ZBTB46: variants seen among roughly 807,000 people sequenced by gnomAD.
ZBTB46 encodes zinc finger and BTB domain containing 46.
Under a neutral mutation model 44.1 loss-of-function variants are expected in ZBTB46, and 8 were observed. That is an observed-to-expected ratio of 0.18 (90% confidence interval 0.11 to 0.33). The LOEUF (loss-of-function observed/expected upper bound fraction) is 0.33. ZBTB46 is among the 10% of genes least tolerant of loss of function. The pLI, the probability that ZBTB46 is intolerant of heterozygous loss-of-function variation, is 1.00. For synonymous variants in ZBTB46, 409 were observed against 382.3 expected, an observed-to-expected ratio of 1.07 and a Z score of -0.81; for missense variants, 651 against 847.7, an observed-to-expected ratio of 0.77 and a Z score of 2.88.
At chr20:63,770,773 T>C (rs1158983495) in intron 3 of ZBTB46, among the ~76,000 whole-genome samples, 5 of 152,162 alleles carry the variant, frequency 3.3e-5, no homozygotes, top group African/African-American at 4.8e-5. Flanking sequence ...CGGCACCCCG[T>C]ACCGCAAAGG....
intron 4 of ZBTB46, among the ~76,000 whole-genome samples, chr20:63,747,568 TG>T (rs1335418701): frequency 7.0e-5 from 1 of 14,294 alleles, no homozygotes; most frequent in Middle Eastern, 0.042. Flanking sequence ...AGGGCCCGGT[TG>T]GGGTTGGGGG....
chr20:63,754,269 T>C (rs182672500), intron 3 of ZBTB46, among the ~76,000 whole-genome samples: 67 of 152,296 alleles, frequency 4.4e-4, no homozygotes, highest in African/African-American at 1.5e-3. Context: ...ACTGTGCCCC[T>C]GGCTCTCCTC....
At chr20:63,806,789 GTTT>G (rs1048528462) in intron 1 of ZBTB46, among the ~76,000 whole-genome samples, 1 of 143,040 alleles carries the variant, frequency 7.0e-6, no homozygotes, top group Non-Finnish European at 1.5e-5. Flanking sequence ...TTTTGTTTTG[GTTT>G]TTTTTTTTGA....
Position 63,746,008 on chromosome 20 carries a change from A to G in ZBTB46, c.*922T>C, listed in dbSNP as rs950194302. ...TTTGGTTACCCACGCGGGGAGGTGT[A>G]AGCAGCACACTGCAGTTAGGAACAC... On this transcript the variant is annotated 3_prime_UTR_variant, in exon 5 of 5. Coordinates refer to ENST00000245663, the MANE Select transcript of ZBTB46 (RefSeq NM_001369741.1). 2 of 152,752 alleles carry G rather than the reference A, an allele frequency of 1.3e-5. No individual in the cohort carries two copies. The highest frequency in any genetic ancestry group is 2.9e-5 in the Non-Finnish European group (2 of 68,062). 9.5% of individuals were successfully genotyped at this position (152,752 alleles called of 1,614,324 possible).
chr20:63,746,975 G>T lies in ZBTB46; in HGVS notation c.1725C>A (p.Arg575=). The change falls in exon 5 of 5, where the codon CGC becomes CGA. Residue 575 remains arginine (R), a synonymous_variant. Coordinates refer to ENST00000245663, the MANE Select transcript of ZBTB46 (RefSeq NM_001369741.1). The stretch of plus-strand genomic sequence containing the variant: ...CCTTGTCAGGGCCTCCTGGGGGGCT[G>T]CGCGGCCGCGGCGAGTCTTCCTCAT... The part of the protein sequence containing the change: ...DKDEEDSPRP[R]SPPGGPDKDF... 1 of 1,601,328 alleles carries T rather than the reference G, an allele frequency of 6.2e-7. No individual in the cohort carries two copies. Among genetic ancestry groups the T allele is most frequent in the Non-Finnish European group, 8.5e-7 (1 of 1,177,146 alleles).
At chr20:63,830,738 CGCG>C (rs979844854) in intron 1 of ZBTB46, among the ~76,000 whole-genome samples, 2 of 146,956 alleles carry the variant, frequency 1.4e-5, no homozygotes. Context: ...GGGGAGGGAG[CGCG>C]GCGGCGGCGG....
chr20:63,761,189 G>C (rs2092272652), intron 3 of ZBTB46, among the ~76,000 whole-genome samples: 1 of 141,714 alleles, frequency 7.1e-6, no homozygotes, highest in Non-Finnish European at 1.6e-5. Context: ...AGTAGAGACA[G>C]GGTTTCACCA....
At chr20:63,816,176 G>T in intron 1 of ZBTB46, among the ~76,000 whole-genome samples, 1 of 151,690 alleles carries the variant, frequency 6.6e-6, no homozygotes, top group African/African-American at 2.4e-5. Context: ...GGTGGGCACA[G>T]ATGCAGTGGG....
chr20:63,794,213 A>C (rs543289730), intron 1 of ZBTB46, among the ~76,000 whole-genome samples: 3 of 151,700 alleles, frequency 2.0e-5, no homozygotes, highest in South Asian at 2.1e-4. Flanking sequence ...AAAGTTATCT[A>C]TCCACTAAAA....
Position 63,759,707 on chromosome 20 carries a change from C to T in ZBTB46, c.1223-6846G>A, listed in dbSNP as rs1404816094. Among the ~76,000 whole-genome samples, 4 of 152,084 alleles carry T rather than the reference C, an allele frequency of 2.6e-5. No homozygotes were observed. The South Asian group carries it at 6.2e-4, about 24-fold the overall frequency. Reference sequence around the variant, plus strand: ...TCTGAATATAAGTGGTGACGATGGGCGTCTGTGTATCGTTCCCGTGCTCAG... The same window carrying T: ...TCTGAATATAAGTGGTGACGATGGGTGTCTGTGTATCGTTCCCGTGCTCAG... On this transcript the variant is annotated intron_variant, in intron 3 of 4. Coordinates refer to ENST00000245663, the MANE Select transcript of ZBTB46 (RefSeq NM_001369741.1).
intron 1 of ZBTB46, among the ~76,000 whole-genome samples, chr20:63,799,994 C>T (rs757042830): frequency 6.6e-5 from 10 of 152,228 alleles, no homozygotes; most frequent in African/African-American, 2.4e-4. Flanking sequence ...TGAACGTTCA[C>T]ACCAGCTTCG....
intron 3 of ZBTB46, among the ~76,000 whole-genome samples, chr20:63,774,789 T>TGCCGGGTTCC: frequency 6.7e-6 from 1 of 148,332 alleles, no homozygotes; most frequent in African/African-American, 2.5e-5. Flanking sequence ...CTGCAAGCTC[T>TGCCGGGTTCC]GCCTGCCGGG....
intron 1 of ZBTB46, among the ~76,000 whole-genome samples, chr20:63,795,108 C>A (rs1162204445): frequency 6.6e-6 from 1 of 152,226 alleles, no homozygotes; most frequent in Non-Finnish European, 1.5e-5. Flanking sequence ...AGAGGGACGC[C>A]GCCTCTGCTG....
At chr20:63,788,688 A>G (rs1408787998) in intron 2 of ZBTB46, among the ~76,000 whole-genome samples, 1 of 151,878 alleles carries the variant, frequency 6.6e-6, no homozygotes, top group Non-Finnish European at 1.5e-5. Flanking sequence ...AAAATACACA[A>G]ATTATCTGGG....
chr20:63,752,767 C>G lies in ZBTB46; in HGVS notation c.1317G>C (p.Ser439=). Residue 439 remains serine (S), a synonymous_variant, in exon 4 of 5, where the codon TCG becomes TCC. Transcript: ENST00000245663. The surrounding 1 kb of genome is among the most constrained non-coding windows in gnomAD (Gnocchi z 5.6). ...HQCILKRHMR[S]HTGERPYPCE... ...AGGGGTAGGGCCGCTCTCCCGTGTG[C>G]GAGCGCATGTGTCGCTTGAGGATGC... The G allele has an allele frequency of 6.2e-7, 1 of 1,612,786 alleles. No homozygotes were observed.
intron 3 of ZBTB46, among the ~76,000 whole-genome samples, chr20:63,757,072 A>G (rs1266103571): frequency 1.3e-5 from 2 of 152,284 alleles, no homozygotes; most frequent in East Asian, 1.9e-4. Flanking sequence ...CCAAAGATTT[A>G]TGATTCCTCT....
chr20:63,769,410 C>A (rs1281779456), intron 3 of ZBTB46: 2 of 985,326 alleles, frequency 2.0e-6, no homozygotes, highest in African/African-American at 3.5e-5. Context: ...GGAGGAGTCT[C>A]ACCCACAGGA....
rs1348992258 is a variant in ZBTB46 at position 63,769,413 on chromosome 20, C to T, written c.1222+6265G>A. ...GAACACAGGAAAGGAGGAGTCTCAC[C>T]CACAGGAACGCGCACCAGCTGCTGG... is the stretch of plus-strand genomic sequence containing the variant. On this transcript the variant is annotated intron_variant, in intron 3 of 4. Coordinates refer to ENST00000245663, the MANE Select transcript of ZBTB46 (RefSeq NM_001369741.1). The T allele has an allele frequency of 3.0e-6, 3 of 985,254 alleles. No individual in the cohort carries two copies. The African/African-American group carries it at 5.2e-5, about 17-fold the overall frequency. The allele number at this position is 985,254 out of a possible 1,614,324, so 61.0% of individuals were successfully genotyped here.
rs755544244 is a variant in ZBTB46 at position 63,747,272 on chromosome 20, G to A, written c.1428C>T (p.Cys476=). Residue 476 remains cysteine, a synonymous_variant, in exon 5 of 5, where the codon TGC becomes TGT. Transcript: ENST00000245663. The stretch of plus-strand genomic sequence containing the variant: ...ACATGAAGACGCGGCTGCACACCTT[G>A]CACACATACTTCTTGTCCTTGCTGT... ...LVHSKDKKYV[C]KVCSRVFMSA... The A allele has an allele frequency of 3.3e-6, 5 of 1,525,488 alleles. No homozygotes were observed. Among genetic ancestry groups the A allele is most frequent in the Non-Finnish European group, 4.4e-6 (5 of 1,135,926 alleles). The allele number at this position is 1,525,488 out of a possible 1,614,324, so 94.5% of individuals were successfully genotyped here. A position where few individuals can be genotyped will look rare whatever the true frequency, so the allele number is the denominator to read the frequency against.
Sources: gnomAD v4.1 joint callset for allele counts (sites outside exome capture counted in the v4.1 genomes callset) on GRCh38, gnomAD v4.1.1 for gene constraint, Gnocchi (gnomAD v3.1) non-coding constraint, MANE v1.5 for transcripts, NCBI Gene and HGNC (gene_info 2026-07-23, HGNC 2026-07-21) for gene names.